TBL1XR1: variants seen among roughly 807,000 people sequenced by gnomAD.
TBL1XR1 encodes the protein F-box-like/WD repeat-containing protein TBL1XR1.
A neutral mutation model predicts 66.9 loss-of-function variants in TBL1XR1; 5 were observed. The ratio of observed to expected loss-of-function variants is 0.07; its 90% CI spans 0.04 to 0.16. TBL1XR1 has a LOEUF of 0.16. TBL1XR1 is among the 10% of genes least tolerant of loss of function. The probability of loss-of-function intolerance (pLI) is 1.00; values close to 1 mark genes in which losing one functional copy is unlikely to be tolerated. For synonymous variants in TBL1XR1, 210 were observed against 206.0 expected, an observed-to-expected ratio of 1.02 and a Z score of -0.17; for missense variants, 238 against 623.2, an observed-to-expected ratio of 0.38 and a Z score of 6.58.
chr3:177,031,224 A>G (rs1451860185), intron 14 of TBL1XR1, among the ~76,000 whole-genome samples: 1 of 152,206 alleles, frequency 6.6e-6, no homozygotes, highest in Non-Finnish European at 1.5e-5. Context: ...AGGCATATAT[A>G]TCATAGTTAC....
At chr3:177,141,459 A>G (rs1881978) in intron 1 of TBL1XR1, among the ~76,000 whole-genome samples, 10,436 of 152,010 alleles carry the variant, frequency 0.069, 526 homozygotes, top group Admixed American at 0.17. Flanking sequence ...CAGTATGCAT[A>G]TGATCTCAAG....
At chr3:177,107,934 C>T (rs1182984040) in intron 1 of TBL1XR1, among the ~76,000 whole-genome samples, 6 of 151,848 alleles carry the variant, frequency 4.0e-5, no homozygotes, top group Admixed American at 3.9e-4. Context: ...TCTGTCACTA[C>T]TACTCAACTC....
intron 2 of TBL1XR1, among the ~76,000 whole-genome samples, chr3:177,089,525 C>A (rs554713112): frequency 2.0e-5 from 3 of 152,180 alleles, no homozygotes; most frequent in Admixed American, 6.5e-5. Flanking sequence ...TTCAGGCAGT[C>A]GGTATCAGCC....
At chr3:177,112,008 G>A (rs899238623) in intron 1 of TBL1XR1, among the ~76,000 whole-genome samples, 7 of 137,098 alleles carry the variant, frequency 5.1e-5, no homozygotes, top group South Asian at 2.4e-4. Context: ...TAAGAACTAG[G>A]CCCTGAAACG....
At chr3:177,177,128 A>G (rs1316902433) in intron 1 of TBL1XR1, among the ~76,000 whole-genome samples, 3 of 152,186 alleles carry the variant, frequency 2.0e-5, no homozygotes, top group East Asian at 1.9e-4. Context: ...GCCAATGCCA[A>G]TGAATACCCT....
rs181368779 is a variant in TBL1XR1, at chr3:177,145,456, T to C, written c.-121-46915A>G. On this transcript the variant is annotated intron_variant, in intron 1 of 15. Transcript: ENST00000457928. ...ACAAGGGGGACATAAGCCACCAAGATAGAAAAATAACAGCCTCTCAAAGTT... is the reference window on the plus strand; with the variant it reads ...ACAAGGGGGACATAAGCCACCAAGACAGAAAAATAACAGCCTCTCAAAGTT... Among the ~76,000 whole-genome samples the C allele has an allele frequency of 2.2e-4, 34 of 152,010 alleles. No individual in the cohort carries two copies. The East Asian group carries it at 5.0e-3, about 22-fold the overall frequency.
At chr3:177,082,441 T>TTAG (rs766823324) in intron 2 of TBL1XR1, among the ~76,000 whole-genome samples, 108 of 151,940 alleles carry the variant, frequency 7.1e-4, no homozygotes, top group Non-Finnish European at 1.3e-3. Context: ...TATATTTTGA[T>TTAG]ACTAATATTT....
At chr3:177,095,075 C>T (rs1723295729) in intron 2 of TBL1XR1, among the ~76,000 whole-genome samples, 1 of 151,148 alleles carries the variant, frequency 6.6e-6, no homozygotes, top group South Asian at 2.1e-4. Flanking sequence ...GGCTACAATA[C>T]AGATGAATCA....
At chr3:177,183,531 G>A (rs1735067909) in intron 1 of TBL1XR1, among the ~76,000 whole-genome samples, 1 of 152,088 alleles carries the variant, frequency 6.6e-6, no homozygotes, top group Admixed American at 6.5e-5. Flanking sequence ...ATTTTTTTGA[G>A]ACGGAGTTTC....
intron 2 of TBL1XR1, among the ~76,000 whole-genome samples, chr3:177,069,515 C>T (rs1357931420): frequency 6.6e-6 from 1 of 151,968 alleles, no homozygotes; most frequent in Non-Finnish European, 1.5e-5. Flanking sequence ...AGGCAGATCA[C>T]CTGAGGTCAG....
chr3:177,094,490 A>G (rs1054203388), intron 2 of TBL1XR1, among the ~76,000 whole-genome samples: 6 of 152,222 alleles, frequency 3.9e-5, no homozygotes, highest in Non-Finnish European at 5.9e-5. Flanking sequence ...CCAGAGAAAA[A>G]GAAGTCATTA....
intron 2 of TBL1XR1, among the ~76,000 whole-genome samples, chr3:177,085,399 G>A (rs1721993908): frequency 6.6e-6 from 1 of 152,192 alleles, no homozygotes; most frequent in African/African-American, 2.4e-5. Flanking sequence ...GCCTATCAAT[G>A]TTAATTGCTT....
chr3:177,072,761 T>C (rs1333437898), intron 2 of TBL1XR1, among the ~76,000 whole-genome samples: 2 of 152,198 alleles, frequency 1.3e-5, no homozygotes, highest in Admixed American at 1.3e-4. Flanking sequence ...TGGCAGACAT[T>C]TTCCTGCAAA....
At chr3:177,143,257 C>T (rs2108826105) in intron 1 of TBL1XR1, among the ~76,000 whole-genome samples, 1 of 151,956 alleles carries the variant, frequency 6.6e-6, no homozygotes, top group Non-Finnish European at 1.5e-5. Flanking sequence ...ATGACCGAGG[C>T]CTACAGGAAC....
intron 1 of TBL1XR1, among the ~76,000 whole-genome samples, chr3:177,192,500 T>G (rs1736286255): frequency 6.6e-6 from 1 of 150,428 alleles, no homozygotes; most frequent in African/African-American, 2.5e-5. Flanking sequence ...AACAAAGGCA[T>G]GCAAAAAAGA....
chr3:177,090,269 C>T (rs1308999777), intron 2 of TBL1XR1, among the ~76,000 whole-genome samples: 1 of 152,040 alleles, frequency 6.6e-6, no homozygotes, highest in African/African-American at 2.4e-5. Flanking sequence ...TGGTTACTTA[C>T]AAAAGGAGGA....
chr3:177,137,425 G>A (rs1729130605), intron 1 of TBL1XR1, among the ~76,000 whole-genome samples: 1 of 152,232 alleles, frequency 6.6e-6, no homozygotes, highest in Admixed American at 6.5e-5. Flanking sequence ...AAGCCCATGA[G>A]GTTGAGGCAG....
intron 2 of TBL1XR1, among the ~76,000 whole-genome samples, chr3:177,076,143 TG>T (rs566261156): frequency 4.2e-4 from 64 of 152,326 alleles, no homozygotes; most frequent in African/African-American, 1.3e-3. Flanking sequence ...TTAAGGAGCC[TG>T]GGGGTTCCCT....
intron 1 of TBL1XR1, among the ~76,000 whole-genome samples, chr3:177,137,089 A>G (rs369939258): frequency 6.6e-6 from 1 of 152,242 alleles, no homozygotes; most frequent in Non-Finnish European, 1.5e-5. Flanking sequence ...CCCAGAAAAC[A>G]GCTTTAAGCA....
Sources: allele counts gnomAD v4.1 joint callset (sites outside exome capture counted in the v4.1 genomes callset), GRCh38; gene constraint gnomAD v4.1.1; transcripts MANE v1.5; gene names NCBI Gene and HGNC (gene_info 2026-07-23, HGNC 2026-07-21).